Variants in HECW1 observed in about 807,000 individuals in gnomAD.
The protein encoded by HECW1 is E3 ubiquitin-protein ligase HECW1.
HECW1 carries 61 observed loss-of-function variants against 182.3 expected under a neutral mutation model. That is an observed-to-expected ratio of 0.33 (90% CI 0.27 to 0.41). The LOEUF (loss-of-function observed/expected upper bound fraction) is 0.41, where lower values mean the gene tolerates loss of function less well. Ranked by LOEUF, HECW1 falls within the 10% of genes least tolerant of loss-of-function variation. HECW1 has a pLI of 1.00. For missense variants in HECW1, 1,739 were observed against 2,108.9 expected (o/e 0.82, Z 3.44); for synonymous variants, 859 against 832.6 (o/e 1.03, Z -0.55).
chr7:43,488,382 GGAA>G (rs2078746823), intron 17 of HECW1, among the ~76,000 whole-genome samples: 2 of 72,352 alleles, frequency 2.8e-5, no homozygotes, highest in African/African-American at 4.8e-5. Context: ...AAGGAAGGAA[GGAA>G]GGAAGGAAGG....
intron 6 of HECW1, among the ~76,000 whole-genome samples, chr7:43,371,013 G>C (rs953350585): frequency 3.3e-5 from 5 of 150,984 alleles, no homozygotes; most frequent in African/African-American, 9.7e-5. Flanking sequence ...TCAGCCTCCC[G>C]AGTAGCTGGG....
At chr7:43,321,771 CATTTTCATTCACTCTT>C (rs1367835848) in intron 5 of HECW1, among the ~76,000 whole-genome samples, 2 of 151,008 alleles carry the variant, frequency 1.3e-5, no homozygotes, top group African/African-American at 2.4e-5. Flanking sequence ...ATTTTGCTTT[CATTTTCATTCACTCTT>C]ATTTTCATTC....
chr7:43,195,372 A>G (rs1392096919), intron 2 of HECW1, among the ~76,000 whole-genome samples: 2 of 152,138 alleles, frequency 1.3e-5, no homozygotes, highest in Admixed American at 6.5e-5. Flanking sequence ...TCCCATCCAC[A>G]CACAAAGGCA....
At chr7:43,281,295 C>T (rs1006553677) in intron 3 of HECW1, among the ~76,000 whole-genome samples, 9 of 152,206 alleles carry the variant, frequency 5.9e-5, no homozygotes, top group Admixed American at 2.6e-4. Flanking sequence ...TTCCTGCAGA[C>T]TGAGCCCCTC....
intron 24 of HECW1, among the ~76,000 whole-genome samples, chr7:43,525,933 G>A (rs1374232093): frequency 1.3e-5 from 2 of 151,938 alleles, no homozygotes; most frequent in Admixed American, 6.5e-5. Context: ...AGACTTCTAG[G>A]GACTTTCTCT....
intron 24 of HECW1, among the ~76,000 whole-genome samples, chr7:43,531,217 T>C (rs2080970481): frequency 6.6e-6 from 1 of 152,224 alleles, no homozygotes; most frequent in Non-Finnish European, 1.5e-5. Context: ...AGGCTAATTC[T>C]TAGGCTTACC....
chr7:43,272,385 G>A (rs758701301), intron 3 of HECW1, among the ~76,000 whole-genome samples: 2 of 152,116 alleles, frequency 1.3e-5, no homozygotes, highest in African/African-American at 2.4e-5. Flanking sequence ...TATCAACAGA[G>A]TGAATAGACA....
At chr7:43,145,814 C>G (rs1275980489) in intron 2 of HECW1, among the ~76,000 whole-genome samples, 1 of 152,122 alleles carries the variant, frequency 6.6e-6, no homozygotes, top group Non-Finnish European at 1.5e-5. Context: ...TCTGTATCTT[C>G]TGTGTGTCAC....
intron 2 of HECW1, among the ~76,000 whole-genome samples, chr7:43,229,789 CA>C (rs1477682553): frequency 6.6e-6 from 1 of 152,130 alleles, no homozygotes; most frequent in African/African-American, 2.4e-5. Context: ...TCATTATTTA[CA>C]AAGGATAAAA....
intron 8 of HECW1, among the ~76,000 whole-genome samples, chr7:43,419,734 A>G (rs772300638): frequency 1.3e-5 from 2 of 152,244 alleles, no homozygotes; most frequent in Non-Finnish European, 2.9e-5. Context: ...TTGTTTCCCA[A>G]TGCCGTAAAG....
intron 4 of HECW1, among the ~76,000 whole-genome samples, chr7:43,315,991 A>G (rs1398837282): frequency 6.6e-6 from 1 of 151,934 alleles, no homozygotes; most frequent in Non-Finnish European, 1.5e-5. Context: ...TGCTCATTCC[A>G]CTCTTAACAG....
At chr7:43,549,866 T>C (rs560917457) in intron 26 of HECW1, among the ~76,000 whole-genome samples, 5 of 152,340 alleles carry the variant, frequency 3.3e-5, no homozygotes, top group African/African-American at 9.6e-5. Context: ...GATTGTAGTG[T>C]TGAGACATTC....
chr7:43,429,528 C>A (rs2076477742), intron 8 of HECW1, among the ~76,000 whole-genome samples: 1 of 151,756 alleles, frequency 6.6e-6, no homozygotes. Flanking sequence ...GAAGAATGCT[C>A]CTGATTCAAT....
chr7:43,477,441 T>C (rs2078260650), intron 16 of HECW1, among the ~76,000 whole-genome samples: 1 of 152,200 alleles, frequency 6.6e-6, no homozygotes, highest in Admixed American at 6.5e-5. Context: ...ATTTGTTAGG[T>C]TAGCTTACAC....
intron 3 of HECW1, among the ~76,000 whole-genome samples, chr7:43,305,239 A>G (rs1807401053): frequency 6.6e-6 from 1 of 152,234 alleles, no homozygotes; most frequent in Non-Finnish European, 1.5e-5. Flanking sequence ...CTTACTCACC[A>G]CATTTCATTG....
intron 2 of HECW1, among the ~76,000 whole-genome samples, chr7:43,152,281 A>G (rs1789417898): frequency 6.6e-6 from 1 of 152,240 alleles, no homozygotes; most frequent in African/African-American, 2.4e-5. Context: ...AAGATAGTAC[A>G]TACGTGAGAC....
intron 28 of HECW1, among the ~76,000 whole-genome samples, chr7:43,552,798 T>C (rs2081885048): frequency 6.6e-6 from 1 of 152,238 alleles, no homozygotes; most frequent in Non-Finnish European, 1.5e-5. Context: ...TATATATAAC[T>C]CATCACTTTT....
chr7:43,264,799 G>C (rs925940705), intron 3 of HECW1, among the ~76,000 whole-genome samples: 1 of 146,236 alleles, frequency 6.8e-6, no homozygotes, highest in South Asian at 2.1e-4. Context: ...AGCCGAGATC[G>C]CACCACTGCA....
At chr7:43,495,975 A>C (rs1420986923) in intron 19 of HECW1, among the ~76,000 whole-genome samples, 2 of 152,036 alleles carry the variant, frequency 1.3e-5, no homozygotes, top group African/African-American at 4.8e-5. Flanking sequence ...CATTTTAATC[A>C]TTAGAAAAGG....
Sources: allele counts gnomAD v4.1 joint callset (sites outside exome capture counted in the v4.1 genomes callset), GRCh38; gene constraint gnomAD v4.1.1; transcripts MANE v1.5; gene names NCBI Gene and HGNC (gene_info 2026-07-23, HGNC 2026-07-21).